Variants in ANO4 observed in about 807,000 individuals in gnomAD.
The protein encoded by ANO4 is anoctamin 4, also known as anoctamin-4.
In ANO4, 69 loss-of-function variants were observed where a neutral mutation model predicts 141.9. The observed-to-expected ratio is 0.49, with a 90% confidence interval of 0.40 to 0.59. The LOEUF (loss-of-function observed/expected upper bound fraction) is 0.59, where lower values mean the gene tolerates loss of function less well. ANO4 is among the 20% of genes least tolerant of loss of function. The pLI is 0.00. For missense variants in ANO4, 894 were observed against 1,162.2 expected, an observed-to-expected ratio of 0.77 and a Z score of 3.36; for synonymous variants, 350 against 394.3, an observed-to-expected ratio of 0.89 and a Z score of 1.33.
chr12:101,117,474 A>G (rs193103913), intron 25 of ANO4, among the ~76,000 whole-genome samples: 54 of 152,332 alleles, frequency 3.5e-4, no homozygotes, highest in Non-Finnish European at 5.6e-4. Flanking sequence ...CAAATGATAA[A>G]ACCATTCACT....
chr12:100,973,032 G>C (rs572327699), intron 6 of ANO4, among the ~76,000 whole-genome samples: 7 of 152,308 alleles, frequency 4.6e-5, no homozygotes, highest in Admixed American at 4.6e-4. Context: ...GAGAGAATGT[G>C]AACCAAGCAA....
intron 17 of ANO4, among the ~76,000 whole-genome samples, chr12:101,093,676 T>C: frequency 6.6e-6 from 1 of 151,874 alleles, no homozygotes; most frequent in East Asian, 1.9e-4. Context: ...TACCCCACCC[T>C]CAGAACCATC....
chr12:101,069,409 G>A (rs629115), intron 14 of ANO4, among the ~76,000 whole-genome samples: 105,097 of 152,124 alleles, frequency 0.69, 37,137 homozygotes, highest in East Asian at 0.89. Flanking sequence ...TAAAAATATT[G>A]TTGCTTGCTA....
At chr12:101,082,053 G>A (rs2049305910) in intron 15 of ANO4, among the ~76,000 whole-genome samples, 1 of 152,124 alleles carries the variant, frequency 6.6e-6, no homozygotes, top group Non-Finnish European at 1.5e-5. Context: ...AACACCCAGC[G>A]ATATGGTTTG....
At chr12:100,834,077 G>T (rs770415686) in intron 1 of ANO4, among the ~76,000 whole-genome samples, 3 of 152,096 alleles carry the variant, frequency 2.0e-5, no homozygotes, top group Non-Finnish European at 4.4e-5. Context: ...GAAGCAAAGA[G>T]GTATCACATG....
chr12:100,726,434 G>A (rs1385733403), intron 1 of ANO4, among the ~76,000 whole-genome samples: 1 of 152,186 alleles, frequency 6.6e-6, no homozygotes, highest in Non-Finnish European at 1.5e-5. Flanking sequence ...GCGCAGGGCA[G>A]ATCATACAGG....
chr12:100,742,008 GGTTTCTGT>G (rs1349313862), intron 3 of ANO4, among the ~76,000 whole-genome samples: 1 of 151,962 alleles, frequency 6.6e-6, no homozygotes, highest in Non-Finnish European at 1.5e-5. Flanking sequence ...TTTGGATAAA[GGTTTCTGT>G]GTTTAACTTG....
chr12:100,894,748 C>T (rs1464384203), intron 1 of ANO4, among the ~76,000 whole-genome samples: 2 of 151,764 alleles, frequency 1.3e-5, no homozygotes, highest in East Asian at 1.9e-4. Flanking sequence ...GGGCGGATCA[C>T]GAGGTCAGGA....
At chr12:100,776,825 T>G (rs2033522223) in intron 3 of ANO4, among the ~76,000 whole-genome samples, 1 of 152,190 alleles carries the variant, frequency 6.6e-6, no homozygotes, top group South Asian at 2.1e-4. Context: ...AATTTTTCCT[T>G]GTAGATTAAC....
chr12:100,986,080 G>T (rs2044695118), intron 7 of ANO4, among the ~76,000 whole-genome samples: 1 of 151,948 alleles, frequency 6.6e-6, no homozygotes, highest in Non-Finnish European at 1.5e-5. Context: ...AGAAGATGGA[G>T]GAATAGTGAA....
At chr12:101,088,409 A>G (rs148472098) in intron 17 of ANO4, among the ~76,000 whole-genome samples, 224 of 151,734 alleles carry the variant, frequency 1.5e-3, no homozygotes, top group African/African-American at 5.2e-3. Flanking sequence ...TGTTTTTTCT[A>G]TAGCATTTAT....
chr12:101,013,389 A>T (rs984735504), intron 8 of ANO4, among the ~76,000 whole-genome samples: 2 of 152,278 alleles, frequency 1.3e-5, no homozygotes, highest in Admixed American at 6.5e-5. Context: ...TAGAGACTCA[A>T]TGAATTACCC....
intron 1 of ANO4, among the ~76,000 whole-genome samples, chr12:100,797,975 A>T (rs569632913): frequency 5.3e-5 from 8 of 152,338 alleles, no homozygotes; most frequent in Middle Eastern, 3.4e-3. Flanking sequence ...TGTTAGTATA[A>T]ATATAACCTC....
intron 1 of ANO4, among the ~76,000 whole-genome samples, chr12:100,816,024 C>T (rs890079748): frequency 6.6e-6 from 1 of 151,952 alleles, no homozygotes; most frequent in Non-Finnish European, 1.5e-5. Flanking sequence ...TTTTTAAAAC[C>T]TCTTAAACTC....
chr12:100,873,368 G>A (rs1051423816), intron 1 of ANO4, among the ~76,000 whole-genome samples: 2 of 152,186 alleles, frequency 1.3e-5, no homozygotes, highest in African/African-American at 4.8e-5. Context: ...TTAAGTTGTT[G>A]TAACCAAAAT....
chr12:100,780,021 A>G (rs2033664545), intron 3 of ANO4, among the ~76,000 whole-genome samples: 1 of 152,030 alleles, frequency 6.6e-6, no homozygotes, highest in Admixed American at 6.6e-5. Context: ...TTTATTTTCC[A>G]ATTTTCAATT....
At chr12:101,068,442 C>A in intron 14 of ANO4, 2 of 903,286 alleles carry the variant, frequency 2.2e-6, no homozygotes, top group South Asian at 1.3e-5. Context: ...AAGACTGTGT[C>A]CTCCCATGAA....
intron 1 of ANO4, among the ~76,000 whole-genome samples, chr12:100,807,189 G>A (rs2035109039): frequency 1.3e-5 from 2 of 152,096 alleles, no homozygotes; most frequent in African/African-American, 2.4e-5. Context: ...TTTCAGGCAC[G>A]ATGTGTCTTT....
chr12:101,103,692 A>G (rs148298512), intron 22 of ANO4, among the ~76,000 whole-genome samples: 40 of 151,964 alleles, frequency 2.6e-4, no homozygotes, highest in Middle Eastern at 6.8e-3. Flanking sequence ...ATTATAGTGT[A>G]GTTTTTCTTT....
Sources: gnomAD v4.1 joint callset for allele counts (sites outside exome capture counted in the v4.1 genomes callset) on GRCh38, gnomAD v4.1.1 for gene constraint, MANE v1.5 for transcripts, NCBI Gene and HGNC (gene_info 2026-07-23, HGNC 2026-07-21) for gene names.